Variants in SDK2 observed in about 807,000 individuals in gnomAD.
SDK2 encodes protein sidekick-2.
SDK2 carries 105 observed loss-of-function variants against 253.9 expected under a neutral mutation model. The observed-to-expected ratio is 0.41, with a 90% confidence interval of 0.35 to 0.49. The LOEUF is 0.49. Among genes scored for constraint, SDK2 ranks in the 20% least tolerant of loss-of-function variants. The pLI, the probability that SDK2 is intolerant of heterozygous loss-of-function variation, is 0.06. For synonymous variants in SDK2, 1,249 were observed against 1,234.9 expected, an observed-to-expected ratio of 1.01 and a Z score of -0.24; for missense variants, 2,608 against 3,003.0, an observed-to-expected ratio of 0.87 and a Z score of 3.07.
intron 2 of SDK2, among the ~76,000 whole-genome samples, chr17:73,503,692 C>T (rs2063908460): frequency 6.6e-6 from 1 of 152,212 alleles, no homozygotes; most frequent in Non-Finnish European, 1.5e-5. Flanking sequence ...TTCTTCCCTA[C>T]CACGTGGCTG....
chr17:73,504,904 G>T lies in SDK2; in HGVS notation c.224+2534C>A, dbSNP rs576218912. On this transcript the variant is annotated intron_variant, in intron 2 of 44. Coordinates refer to ENST00000392650, the MANE Select transcript of SDK2 (RefSeq NM_001144952.2). Reference sequence around the variant, plus strand: ...AAGAGTTCTAAGGCCCTTCTAAGGAGTGCAGACCTTGCCTCAGGGGCACAG... The same window carrying T: ...AAGAGTTCTAAGGCCCTTCTAAGGATTGCAGACCTTGCCTCAGGGGCACAG... Among the ~76,000 whole-genome samples, 4 of 152,238 alleles carry T rather than the reference G, an allele frequency of 2.6e-5. No individual in the cohort carries two copies. In the South Asian group the frequency reaches 8.3e-4, roughly 32 times the overall value.
At chr17:73,595,967 T>C (rs565831259) in intron 1 of SDK2, among the ~76,000 whole-genome samples, 2 of 148,246 alleles carry the variant, frequency 1.3e-5, no homozygotes, top group South Asian at 2.2e-4. Flanking sequence ...CCTTGACACA[T>C]AGGATTGCAG....
At chr17:73,428,136 C>T (rs908164597) in intron 12 of SDK2, among the ~76,000 whole-genome samples, 1 of 152,136 alleles carries the variant, frequency 6.6e-6, no homozygotes, top group Non-Finnish European at 1.5e-5. Flanking sequence ...AAAACAACAA[C>T]GAGATATCAC....
rs1213255426 is a variant in SDK2 at position 73,465,383 on chromosome 17, G to T, written c.331+6729C>A. Among the ~76,000 whole-genome samples the T allele has an allele frequency of 6.6e-6, 1 of 152,140 alleles. No homozygotes were observed. The highest frequency in any genetic ancestry group is 2.4e-5 in the African/African-American group (1 of 41,434). On this transcript the variant is annotated intron_variant, in intron 3 of 44. Coordinates refer to ENST00000392650, the MANE Select transcript of SDK2 (RefSeq NM_001144952.2). The surrounding 1 kb of genome is among the most constrained non-coding windows in gnomAD (Gnocchi z 4.2). ...CCCACAGATGAGGGCTGGGGGAAGG[G>T]GTCAGGAGGTCTCACCCAGGTGAGG...
At chr17:73,368,370 G>A (rs923369856) in intron 37 of SDK2, 37 bp downstream of exon 37, 28 of 1,414,008 alleles carry the variant, frequency 2.0e-5, no homozygotes, top group African/African-American at 5.9e-5. Context: ...CCCCGTGGCC[G>A]ACCTACCCCT....
At position 73,449,242 on chromosome 17, in the gene SDK2, A is replaced by G. The variant is rs562802272; in HGVS notation, c.480-1494T>C. Reference sequence around the variant, plus strand: ...CTTCCTCCCTCCACCCATTCTCCCAATGACAAACAAAGCCATTAGTTTGTC... The same window carrying G: ...CTTCCTCCCTCCACCCATTCTCCCAGTGACAAACAAAGCCATTAGTTTGTC... On this transcript the variant is annotated intron_variant, in intron 4 of 44. Coordinates refer to ENST00000392650, the MANE Select transcript of SDK2 (RefSeq NM_001144952.2). Among the ~76,000 whole-genome samples the G allele has an allele frequency of 3.7e-3, 571 of 152,284 alleles. 2 individuals are homozygous for G. The highest frequency in any genetic ancestry group is 0.013 in the African/African-American group (540 of 41,544).
intron 15 of SDK2, among the ~76,000 whole-genome samples, chr17:73,422,079 C>T (rs1427167543): frequency 2.6e-5 from 4 of 152,298 alleles, no homozygotes; most frequent in Middle Eastern, 3.4e-3. Context: ...GTGCTCACCG[C>T]GTTCCCCAGT....
chr17:73,572,407 G>A (rs530827890), intron 1 of SDK2, among the ~76,000 whole-genome samples: 32 of 151,868 alleles, frequency 2.1e-4, no homozygotes, highest in Non-Finnish European at 3.8e-4. Flanking sequence ...GGAGCGCTCC[G>A]ACCCCTCTTC....
At chr17:73,390,757 G>A (rs1332349321) in intron 28 of SDK2, among the ~76,000 whole-genome samples, 1 of 152,228 alleles carries the variant, frequency 6.6e-6, no homozygotes, top group Non-Finnish European at 1.5e-5. Flanking sequence ...CTGAGGCCCG[G>A]AGAGGCCAGA....
At chr17:73,351,274 T>TAAA (rs2062536085) in intron 41 of SDK2, among the ~76,000 whole-genome samples, 1 of 152,080 alleles carries the variant, frequency 6.6e-6, no homozygotes, top group East Asian at 1.9e-4. Flanking sequence ...CACACCCGGC[T>TAAA]AATCTTTGTA....
chr17:73,504,013 T>C (rs2063910724), intron 2 of SDK2, among the ~76,000 whole-genome samples: 1 of 152,212 alleles, frequency 6.6e-6, no homozygotes, highest in South Asian at 2.1e-4. Context: ...AATATCAAGC[T>C]CTTGGTCTAA....
In SDK2 at chr17:73,437,981, G is replaced by A. The variant is rs748087486; in HGVS notation, c.899C>T (p.Ala300Val). The change falls in exon 7 of 45, where the codon GCC becomes GTC. Residue 300 changes from alanine to valine, a missense_variant. Physicochemically the swap from Ala to Val is moderately conservative, Grantham distance 64 (BLOSUM62 0). Transcript: ENST00000392650. ...TCTCTCACCCAGCACTGAGAGGTAG[G>A]CGCCCCGGACAACAGAGGGGACGCT... Reference protein sequence around the residue: ...SSSVPSVVRGAYLSVLEPPQF... With the variant: ...SSSVPSVVRGVYLSVLEPPQF... The A allele has an allele frequency of 6.4e-7, 1 of 1,550,904 alleles. No individual in the cohort carries two copies. Among genetic ancestry groups the A allele is most frequent in the Non-Finnish European group, 8.7e-7 (1 of 1,146,668 alleles).
intron 1 of SDK2, among the ~76,000 whole-genome samples, chr17:73,581,003 C>G (rs545681523): frequency 1.3e-5 from 2 of 152,194 alleles, no homozygotes; most frequent in East Asian, 3.9e-4. Context: ...AGTGTCTCAG[C>G]CTTCCAAGTC....
intron 1 of SDK2, among the ~76,000 whole-genome samples, chr17:73,631,434 G>A (rs189598736): frequency 1.0e-3 from 155 of 152,332 alleles, no homozygotes; most frequent in African/African-American, 3.7e-3. Context: ...TCTGAGCACC[G>A]GGCACCGTCT....
chr17:73,423,640 A>G (rs889511946), intron 13 of SDK2, 118 bp from the exon 14 acceptor site: 8 of 1,242,266 alleles, frequency 6.4e-6, no homozygotes, highest in Non-Finnish European at 5.3e-6. Flanking sequence ...CTTAGACGTA[A>G]AATGTGGCCT....
intron 4 of SDK2, among the ~76,000 whole-genome samples, chr17:73,453,378 T>C (rs2063502076): frequency 1.3e-5 from 2 of 150,954 alleles, no homozygotes; most frequent in Non-Finnish European, 3.0e-5. Flanking sequence ...GGGTTTTTTT[T>C]TTTTTTCTTT....
intron 1 of SDK2, among the ~76,000 whole-genome samples, chr17:73,640,176 CT>C (rs768017695): frequency 1.3e-5 from 2 of 151,566 alleles, no homozygotes; most frequent in South Asian, 2.1e-4. Flanking sequence ...TTCCTGGCCC[CT>C]ATGCCGGCCT....
At chr17:73,487,442 A>C (rs1057138723) in intron 2 of SDK2, among the ~76,000 whole-genome samples, 1 of 152,188 alleles carries the variant, frequency 6.6e-6, no homozygotes, top group Non-Finnish European at 1.5e-5. Flanking sequence ...GACTGGGTCC[A>C]CTGGCTGGGG....
intron 1 of SDK2, among the ~76,000 whole-genome samples, chr17:73,550,874 C>A (rs1274424975): frequency 6.6e-6 from 1 of 152,126 alleles, no homozygotes; most frequent in East Asian, 1.9e-4. Context: ...CACCCGTCCA[C>A]AGGGAGCTGG....
Sources: allele counts gnomAD v4.1 joint callset (sites outside exome capture counted in the v4.1 genomes callset), GRCh38; gene constraint gnomAD v4.1.1; non-coding constraint Gnocchi (gnomAD v3.1); transcripts MANE v1.5; gene names NCBI Gene and HGNC (gene_info 2026-07-23, HGNC 2026-07-21).